Variants in ERBB4 observed in about 807,000 individuals in gnomAD.
ERBB4 encodes erb-b2 receptor tyrosine kinase 4, also known as receptor tyrosine-protein kinase erbB-4.
In ERBB4, 42 loss-of-function variants were observed where a neutral mutation model predicts 158.0. The observed-to-expected ratio is 0.27, with a 90% CI of 0.21 to 0.34. The LOEUF (loss-of-function observed/expected upper bound fraction) is 0.34. ERBB4 is among the 10% of genes least tolerant of loss of function. The probability of loss-of-function intolerance (pLI) is 1.00; values close to 1 mark genes in which losing one functional copy is unlikely to be tolerated. For missense variants in ERBB4, 1,333 were observed against 1,624.1 expected (o/e 0.82, Z 3.08); for synonymous variants, 583 against 558.7 (o/e 1.04, Z -0.61).
chr2:212,392,697 T>A lies in ERBB4; in HGVS notation c.82+145752A>T, dbSNP rs113845839. 7.2e-3 allele frequency among the ~76,000 whole-genome samples: 1,101 copies of A among 152,248 alleles called. 6 individuals are homozygous for A. The highest frequency in any genetic ancestry group is 0.024 in the Middle Eastern group (7 of 294). Reference sequence around the variant, plus strand: ...TTTAAGACCCAGCTCAAATGCTTTCTTTATGAATCCCTCCTTTTTCTGTGC... The same window carrying A: ...TTTAAGACCCAGCTCAAATGCTTTCATTATGAATCCCTCCTTTTTCTGTGC... On this transcript the variant is annotated intron_variant, in intron 1 of 27. Coordinates refer to ENST00000342788, the MANE Select transcript of ERBB4 (RefSeq NM_005235.3).
chr2:211,899,325 C>T (rs934667970), intron 3 of ERBB4, among the ~76,000 whole-genome samples: 21 of 152,076 alleles, frequency 1.4e-4, no homozygotes, highest in African/African-American at 2.4e-4. Flanking sequence ...ATTTTCTCTA[C>T]GGCATTAGTA....
intron 3 of ERBB4, among the ~76,000 whole-genome samples, chr2:211,889,681 C>G (rs2106179917): frequency 6.9e-6 from 1 of 144,384 alleles, no homozygotes; most frequent in South Asian, 2.1e-4. Context: ...GAATGTATAA[C>G]TAGAATAACC....
intron 2 of ERBB4, among the ~76,000 whole-genome samples, chr2:212,031,794 A>C (rs1471635449): frequency 1.3e-5 from 2 of 152,100 alleles, no homozygotes; most frequent in African/African-American, 4.8e-5. Context: ...TGTATCACAA[A>C]ATTTTTAGAG....
intron 25 of ERBB4, among the ~76,000 whole-genome samples, chr2:211,412,760 C>T (rs968220306): frequency 6.6e-6 from 1 of 151,806 alleles, no homozygotes; most frequent in Non-Finnish European, 1.5e-5. Context: ...TCCAGACCAT[C>T]CTGGCCAACA....
At chr2:212,209,471 A>C (rs2082866227) in intron 1 of ERBB4, among the ~76,000 whole-genome samples, 2 of 152,112 alleles carry the variant, frequency 1.3e-5, no homozygotes, top group South Asian at 4.1e-4. Context: ...CTGACATTCC[A>C]CAGTGGGTAC....
chr2:212,522,078 T>G (rs1186094008), intron 1 of ERBB4, among the ~76,000 whole-genome samples: 1 of 151,992 alleles, frequency 6.6e-6, no homozygotes, highest in Non-Finnish European at 1.5e-5. Context: ...CCAGCATACT[T>G]CTTAGGAGTT....
At chr2:211,905,681 T>TATATACACAC (rs1480195605) in intron 3 of ERBB4, among the ~76,000 whole-genome samples, 3 of 110,666 alleles carry the variant, frequency 2.7e-5, no homozygotes, top group Admixed American at 8.8e-5. Context: ...TATATATATA[T>TATATACACAC]ACACACATAT....
chr2:211,681,055 T>C (rs902389741), intron 12 of ERBB4, among the ~76,000 whole-genome samples: 1 of 152,192 alleles, frequency 6.6e-6, no homozygotes, highest in South Asian at 2.1e-4. Flanking sequence ...TTTCTGTTAC[T>C]CACTGTACAT....
intron 1 of ERBB4, among the ~76,000 whole-genome samples, chr2:212,466,434 G>A (rs1229444345): frequency 6.6e-6 from 1 of 152,212 alleles, no homozygotes; most frequent in Non-Finnish European, 1.5e-5. Context: ...GACCTGGTGG[G>A]AGATGACTGA....
intron 2 of ERBB4, among the ~76,000 whole-genome samples, chr2:212,077,602 G>A (rs535671758): frequency 1.3e-4 from 20 of 152,072 alleles, no homozygotes; most frequent in Admixed American, 1.1e-3. Flanking sequence ...TTAAACTACA[G>A]TGTTAGAAGG....
At chr2:211,665,578 A>T (rs2071600648) in intron 14 of ERBB4, 101 bp from the exon 15 acceptor site, 2 of 1,087,706 alleles carry the variant, frequency 1.8e-6, no homozygotes, top group African/African-American at 3.1e-5. Context: ...GTAGGTGGCA[A>T]ATCTTCCTCT....
At chr2:212,432,553 C>T (rs1479655081) in intron 1 of ERBB4, among the ~76,000 whole-genome samples, 1 of 151,932 alleles carries the variant, frequency 6.6e-6, no homozygotes, top group South Asian at 2.1e-4. Flanking sequence ...GTAAATATAG[C>T]CTTAAATTTT....
intron 3 of ERBB4, among the ~76,000 whole-genome samples, chr2:211,797,406 C>T (rs2076404657): frequency 6.6e-6 from 1 of 151,930 alleles, no homozygotes; most frequent in African/African-American, 2.4e-5. Flanking sequence ...TAACTCTTCT[C>T]ACAATGTGTG....
chr2:212,154,822 A>G (rs1212885475), intron 1 of ERBB4, among the ~76,000 whole-genome samples: 1 of 152,144 alleles, frequency 6.6e-6, no homozygotes, highest in African/African-American at 2.4e-5. Context: ...TTCTTTTCCA[A>G]TAATGAAGAC....
chr2:212,243,189 T>C (rs2084179941), intron 1 of ERBB4, among the ~76,000 whole-genome samples: 1 of 152,202 alleles, frequency 6.6e-6, no homozygotes, highest in African/African-American at 2.4e-5. Flanking sequence ...TGTTTCATTT[T>C]TTTAATATTC....
At chr2:212,327,369 T>C (rs981771649) in intron 1 of ERBB4, among the ~76,000 whole-genome samples, 5 of 151,908 alleles carry the variant, frequency 3.3e-5, no homozygotes, top group East Asian at 1.9e-4. Context: ...GTGCTGGAAA[T>C]AGAACTTCAA....
chr2:211,406,151 T>G (rs561604055), intron 25 of ERBB4, among the ~76,000 whole-genome samples: 1 of 152,346 alleles, frequency 6.6e-6, no homozygotes, highest in African/African-American at 2.4e-5. Context: ...TTTGCTCAAA[T>G]GATCCCTTAA....
At chr2:211,991,230 T>C (rs563832496) in intron 2 of ERBB4, among the ~76,000 whole-genome samples, 1 of 152,030 alleles carries the variant, frequency 6.6e-6, no homozygotes, top group Non-Finnish European at 1.5e-5. Context: ...CAAAATATTA[T>C]AGACAAAAAA....
chr2:212,288,861 C>T (rs1396692503), intron 1 of ERBB4, among the ~76,000 whole-genome samples: 1 of 151,866 alleles, frequency 6.6e-6, no homozygotes, highest in East Asian at 1.9e-4. Context: ...ATTTGTATCT[C>T]ATTTAATCTA....
Sources: gnomAD v4.1 joint callset for allele counts (sites outside exome capture counted in the v4.1 genomes callset) on GRCh38, gnomAD v4.1.1 for gene constraint, MANE v1.5 for transcripts, NCBI Gene and HGNC (gene_info 2026-07-23, HGNC 2026-07-21) for gene names.